Variants in ABI3BP observed in about 807,000 individuals in gnomAD.
ABI3BP encodes target of Nesh-SH3.
Under a neutral mutation model 268.6 loss-of-function variants are expected in ABI3BP, and 216 were observed. The observed-to-expected ratio is 0.80, with a 90% CI of 0.72 to 0.90. The LOEUF is 0.90. Ranked by LOEUF, ABI3BP falls within the 40% of genes least tolerant of loss-of-function variation. The probability of loss-of-function intolerance (pLI) is 0.00; values close to 1 mark genes in which losing one functional copy is unlikely to be tolerated. For synonymous variants in ABI3BP, 730 were observed against 730.0 expected, an observed-to-expected ratio of 1.00 and a Z score of 0.00; for missense variants, 2,090 against 2,182.4, an observed-to-expected ratio of 0.96 and a Z score of 0.84.
chr3:100,886,403 G>T (rs1324979986), intron 4 of ABI3BP, 80 bp from the exon 5 acceptor site: 5 of 1,077,656 alleles, frequency 4.6e-6, no homozygotes, highest in African/African-American at 1.6e-5. Context: ...CTTCATCACA[G>T]ATTTCAACCA....
chr3:100,949,158 T>C (rs544418996), intron 1 of ABI3BP, among the ~76,000 whole-genome samples: 5 of 152,342 alleles, frequency 3.3e-5, no homozygotes, highest in African/African-American at 9.6e-5. Flanking sequence ...AATTAATTCA[T>C]TGGGAATTTT....
chr3:100,780,972 T>C (rs918073476), intron 57 of ABI3BP, among the ~76,000 whole-genome samples: 14 of 151,584 alleles, frequency 9.2e-5, no homozygotes, highest in Non-Finnish European at 1.9e-4. Flanking sequence ...ATAATCTTCC[T>C]TGGTTTGGGT....
At chr3:100,914,479 C>G (rs571794640) in intron 2 of ABI3BP, 3 of 454,414 alleles carry the variant, frequency 6.6e-6, no homozygotes, top group Admixed American at 2.4e-5. Flanking sequence ...TGACTAGGAA[C>G]AGCAGCCACT....
intron 11 of ABI3BP, 85 bp downstream of exon 11, chr3:100,864,748 C>T (rs2099033090): frequency 1.0e-6 from 1 of 964,724 alleles, no homozygotes; most frequent in Non-Finnish European, 1.6e-6. Flanking sequence ...GAAGTTAAGG[C>T]ACCAGGTTTC....
chr3:100,837,536 C>T lies in ABI3BP; in HGVS notation c.2084-365G>A, dbSNP rs1363782903. On this transcript the variant is annotated intron_variant, in intron 26 of 67. Transcript: ENST00000471714. ...TGGGAGGCCAAGGCAGGTGGATCACCTGAGGTCAGGAGTTCAAAAGACCAG... is the reference window on the plus strand; with the variant it reads ...TGGGAGGCCAAGGCAGGTGGATCACTTGAGGTCAGGAGTTCAAAAGACCAG... 3.3e-5 allele frequency among the ~76,000 whole-genome samples: 5 copies of T among 152,086 alleles called. No individual in the cohort carries two copies. In the East Asian group the frequency reaches 7.7e-4, roughly 23 times the overall value.
chr3:100,825,036 C>T (rs2098344080), intron 35 of ABI3BP, 95 bp from the exon 36 acceptor site: 1 of 1,011,006 alleles, frequency 9.9e-7, no homozygotes, highest in Non-Finnish European at 1.4e-6. Context: ...CCTATAGTTC[C>T]AGAAACTTTA....
chr3:100,788,344 T>C (rs987693438), intron 56 of ABI3BP, among the ~76,000 whole-genome samples: 56 of 152,244 alleles, frequency 3.7e-4, no homozygotes, highest in Middle Eastern at 3.4e-3. Flanking sequence ...AGTCATAGCC[T>C]TACCAAAGCC....
intron 7 of ABI3BP, among the ~76,000 whole-genome samples, chr3:100,875,913 A>C (rs1157134429): frequency 1.3e-5 from 2 of 152,188 alleles, no homozygotes; most frequent in Non-Finnish European, 2.9e-5. Context: ...CCCAGCAATA[A>C]AAATTTAGAA....
intron 20 of ABI3BP, among the ~76,000 whole-genome samples, chr3:100,843,045 G>C (rs981079751): frequency 6.6e-6 from 1 of 152,054 alleles, no homozygotes; most frequent in Non-Finnish European, 1.5e-5. Flanking sequence ...TTGAGAATAC[G>C]TAGCGACTAA....
At chr3:100,797,186 T>A (rs532905671) in intron 51 of ABI3BP, among the ~76,000 whole-genome samples, 29 of 152,222 alleles carry the variant, frequency 1.9e-4, no homozygotes, top group Non-Finnish European at 3.7e-4. Context: ...ATAGGCCTAC[T>A]CGTATATGCA....
At position 100,770,824 on chromosome 3, in the gene ABI3BP, T is replaced by G. The variant is rs747299022; in HGVS notation, c.4660A>C (p.Asn1554His). 6.3e-6 allele frequency: 10 copies of G among 1,598,472 alleles called. No homozygotes were observed. The East Asian group carries it at 2.3e-4, about 36-fold the overall frequency. The change falls in exon 62 of 68, where the codon AAC becomes CAC. Residue 1554 changes from asparagine (N) to histidine (H), a missense_variant. Transcript: ENST00000471714. Reference protein sequence around the residue: ...ATSPPQNPPTNLTVVTVEGCP... With the variant: ...ATSPPQNPPTHLTVVTVEGCP... Reference sequence around the variant, plus strand: ...CCTTCCACGGTGACCACAGTGAGGTTGGTGGGTGGGTTCTGTGGTGGGCTG... The same window carrying G: ...CCTTCCACGGTGACCACAGTGAGGTGGGTGGGTGGGTTCTGTGGTGGGCTG...
Position 100,829,574 on chromosome 3 carries a change from A to G in ABI3BP, c.2542+7T>C, listed in dbSNP as rs748574901. The G allele has an allele frequency of 5.9e-6, 9 of 1,534,304 alleles. No homozygotes were observed. Among genetic ancestry groups the G allele is most frequent in the South Asian group, 1.2e-5 (1 of 83,982 alleles). ...TAGGATTCCTCAAGCATGACCTACA[A>G]ATTTACCCAGTTCAGTCTGAAGCTC... On this transcript the variant is annotated splice_region_variant and intron_variant, in intron 33 of 67. Transcript: ENST00000471714.
chr3:100,843,313 C>A (rs80309178), intron 20 of ABI3BP, among the ~76,000 whole-genome samples: 7,352 of 152,126 alleles, frequency 0.048, 219 homozygotes, highest in Non-Finnish European at 0.052. Context: ...TTCTCAAGAA[C>A]TTGTGCAGAA....
intron 62 of ABI3BP, among the ~76,000 whole-genome samples, chr3:100,770,135 C>T (rs1441383967): frequency 6.6e-6 from 1 of 152,142 alleles, no homozygotes; most frequent in Non-Finnish European, 1.5e-5. Context: ...ATTTAGCTTG[C>T]TAGTCTTTTT....
chr3:100,897,083 C>G (rs530970562), intron 4 of ABI3BP, among the ~76,000 whole-genome samples: 1 of 59,720 alleles, frequency 1.7e-5, no homozygotes, highest in Non-Finnish European at 3.7e-5. Flanking sequence ...ATAAACATGG[C>G]CAAAAAGCAC....
At chr3:100,763,254 AGT>A (rs1225377145) in intron 63 of ABI3BP, among the ~76,000 whole-genome samples, 1 of 152,086 alleles carries the variant, frequency 6.6e-6, no homozygotes, top group African/African-American at 2.4e-5. Flanking sequence ...TGAGGTCAGG[AGT>A]TCAAGACCAG....
chr3:100,957,582 T>C (rs1328281048), intron 1 of ABI3BP, among the ~76,000 whole-genome samples: 1 of 152,162 alleles, frequency 6.6e-6, no homozygotes, highest in African/African-American at 2.4e-5. Context: ...GGAGAGCAGA[T>C]AGAAGAGATC....
intron 3 of ABI3BP, 96 bp from the exon 4 acceptor site, chr3:100,898,990 G>T: frequency 3.1e-6 from 4 of 1,308,934 alleles, no homozygotes; most frequent in Non-Finnish European, 4.2e-6. Context: ...GCAAGATGAT[G>T]CAAAATGTGA....
At chr3:100,803,774 G>T (rs112907909) in intron 51 of ABI3BP, among the ~76,000 whole-genome samples, 191 of 152,174 alleles carry the variant, frequency 1.3e-3, no homozygotes, top group Non-Finnish European at 2.4e-3. Context: ...TATAATATTG[G>T]CTATTGTGTT....
Sources: allele counts gnomAD v4.1 joint callset (sites outside exome capture counted in the v4.1 genomes callset), GRCh38; gene constraint gnomAD v4.1.1; transcripts MANE v1.5; gene names NCBI Gene and HGNC (gene_info 2026-07-23, HGNC 2026-07-21).